The following PLPPR1 variants were observed in gnomAD, a reference collection of about 807,000 sequenced individuals.
The protein encoded by PLPPR1 is phospholipid phosphatase related 1.
In PLPPR1, 10 loss-of-function variants were observed where a neutral mutation model predicts 33.1. That is an observed-to-expected ratio of 0.30 (90% CI 0.19 to 0.51). The LOEUF (loss-of-function observed/expected upper bound fraction) is 0.51, where lower values mean the gene tolerates loss of function less well. Ranked by LOEUF, PLPPR1 falls within the 20% of genes least tolerant of loss-of-function variation. PLPPR1 has a pLI of 0.97. For missense variants in PLPPR1, 304 were observed against 408.1 expected, an observed-to-expected ratio of 0.74 and a Z score of 2.20; for synonymous variants, 151 against 151.0, an observed-to-expected ratio of 1.00 and a Z score of 0.00.
intron 1 of PLPPR1, among the ~76,000 whole-genome samples, chr9:101,101,972 C>T (rs982961493): frequency 6.6e-6 from 1 of 152,078 alleles, no homozygotes; most frequent in Non-Finnish European, 1.5e-5. Flanking sequence ...CTGCCATCAC[C>T]TCTTCCATGC....
intron 1 of PLPPR1, among the ~76,000 whole-genome samples, chr9:101,090,656 T>C (rs986305997): frequency 2.6e-5 from 4 of 152,110 alleles, no homozygotes; most frequent in Admixed American, 2.6e-4. Context: ...AGGCGGAGTT[T>C]GCAGTGAGCC....
At chr9:101,091,979 G>A (rs529434325) in intron 1 of PLPPR1, among the ~76,000 whole-genome samples, 34 of 152,160 alleles carry the variant, frequency 2.2e-4, no homozygotes, top group Admixed American at 5.9e-4. Context: ...ACTTCTTAAC[G>A]TGAAGCATGG....
At chr9:101,188,119 C>A (rs1050490704) in intron 2 of PLPPR1, 3 of 151,996 alleles carry the variant, frequency 2.0e-5, no homozygotes, top group Admixed American at 6.6e-5. Flanking sequence ...TGCAATTTAT[C>A]CTATTGTGCA....
intron 2 of PLPPR1, among the ~76,000 whole-genome samples, chr9:101,222,527 C>T (rs1025601852): frequency 1.3e-5 from 2 of 152,260 alleles, no homozygotes; most frequent in African/African-American, 2.4e-5. Context: ...TCCACTTCAG[C>T]ATGTTTCTAA....
At chr9:101,253,326 T>C (rs1264146428) in intron 2 of PLPPR1, among the ~76,000 whole-genome samples, 1 of 151,870 alleles carries the variant, frequency 6.6e-6, no homozygotes, top group African/African-American at 2.4e-5. Flanking sequence ...GGCAGGCGGA[T>C]CATTTGAGGT....
intron 1 of PLPPR1, among the ~76,000 whole-genome samples, chr9:101,040,631 T>C (rs1181277968): frequency 9.9e-5 from 15 of 152,190 alleles, no homozygotes; most frequent in Admixed American, 9.8e-4. Flanking sequence ...CACCACCACA[T>C]CTGCTCAAGT....
intron 1 of PLPPR1, among the ~76,000 whole-genome samples, chr9:101,091,265 C>T (rs1830738232): frequency 6.6e-6 from 1 of 152,080 alleles, no homozygotes; most frequent in African/African-American, 2.4e-5. Context: ...CTCTCTCTCA[C>T]TGTGTTAATT....
At chr9:101,244,907 G>T (rs918494185) in intron 2 of PLPPR1, among the ~76,000 whole-genome samples, 1 of 151,804 alleles carries the variant, frequency 6.6e-6, no homozygotes, top group African/African-American at 2.4e-5. Flanking sequence ...ACATAAATAG[G>T]CATTTTATTA....
intron 2 of PLPPR1, among the ~76,000 whole-genome samples, chr9:101,232,521 TG>T (rs370947784): frequency 1.2e-3 from 185 of 151,900 alleles, no homozygotes; most frequent in African/African-American, 3.7e-3. Context: ...ATGAAGAAAT[TG>T]GGGTTAAAGA....
At chr9:101,126,583 C>T (rs1169295497) in intron 1 of PLPPR1, among the ~76,000 whole-genome samples, 2 of 152,186 alleles carry the variant, frequency 1.3e-5, no homozygotes, top group Admixed American at 1.3e-4. Flanking sequence ...TCCACTGGGT[C>T]TTAGCACTAC....
rs1429130080 is a variant in PLPPR1, at chr9:101,281,136, A to G, written c.253-4968A>G. ...CATTTCTATATGCCAACAATGAACAATCTGAAAAAGAAATCAAGAAAATAA... is the reference window on the plus strand; with the variant it reads ...CATTTCTATATGCCAACAATGAACAGTCTGAAAAAGAAATCAAGAAAATAA... On this transcript the variant is annotated intron_variant, in intron 3 of 7. Coordinates refer to ENST00000374874, the MANE Select transcript of PLPPR1 (RefSeq NM_207299.2). Among the ~76,000 whole-genome samples, 3 of 152,220 alleles carry G rather than the reference A, an allele frequency of 2.0e-5. No individual in the cohort carries two copies. In the South Asian group the frequency reaches 6.2e-4, roughly 32 times the overall value.
At chr9:101,314,713 T>C (rs1187842903) in intron 6 of PLPPR1, among the ~76,000 whole-genome samples, 1 of 150,246 alleles carries the variant, frequency 6.7e-6, no homozygotes, top group Non-Finnish European at 1.5e-5. Flanking sequence ...ATGGTGCCAA[T>C]AGACTTGCTG....
At chr9:101,296,475 T>A (rs1828641613) in intron 4 of PLPPR1, among the ~76,000 whole-genome samples, 1 of 151,820 alleles carries the variant, frequency 6.6e-6, no homozygotes, top group Admixed American at 6.6e-5. Flanking sequence ...CTATAAATCA[T>A]GCTGCTATAA....
chr9:101,194,529 C>A (rs1304988437), intron 2 of PLPPR1, among the ~76,000 whole-genome samples: 1 of 152,110 alleles, frequency 6.6e-6, no homozygotes, highest in Non-Finnish European at 1.5e-5. Flanking sequence ...GTGGGCAGAT[C>A]ACCTGAGGTC....
At chr9:101,125,468 A>G (rs1831233685) in intron 1 of PLPPR1, 2 of 293,684 alleles carry the variant, frequency 6.8e-6, no homozygotes, top group South Asian at 4.5e-5. Flanking sequence ...CCCTGGGTAG[A>G]GCTCAGAAAT....
At chr9:101,087,462 G>A (rs1195120318) in intron 1 of PLPPR1, among the ~76,000 whole-genome samples, 1 of 152,190 alleles carries the variant, frequency 6.6e-6, no homozygotes, top group Non-Finnish European at 1.5e-5. Flanking sequence ...AACGAGAGAT[G>A]TAAAAATTAT....
At chr9:101,134,003 G>A (rs57409431) in intron 1 of PLPPR1, among the ~76,000 whole-genome samples, 23,580 of 152,122 alleles carry the variant, frequency 0.16, 2,121 homozygotes, top group Non-Finnish European at 0.2. Flanking sequence ...AAGGCACTTG[G>A]CGCATAGAAC....
At chr9:101,138,899 T>C (rs1460812824) in intron 1 of PLPPR1, among the ~76,000 whole-genome samples, 4 of 152,184 alleles carry the variant, frequency 2.6e-5, no homozygotes, top group Admixed American at 1.3e-4. Context: ...AGGATTAAAG[T>C]TGACTCTTCA....
intron 1 of PLPPR1, among the ~76,000 whole-genome samples, chr9:101,155,743 G>C (rs1340602399): frequency 1.3e-5 from 2 of 152,090 alleles, no homozygotes; most frequent in African/African-American, 4.8e-5. Flanking sequence ...GGGATTACAG[G>C]CATGCGCCAC....
Sources: gnomAD v4.1 joint callset for allele counts (sites outside exome capture counted in the v4.1 genomes callset) on GRCh38, gnomAD v4.1.1 for gene constraint, MANE v1.5 for transcripts, NCBI Gene and HGNC (gene_info 2026-07-23, HGNC 2026-07-21) for gene names.